The following SCAMP4 variants were observed in gnomAD, a reference collection of about 807,000 sequenced individuals.
SCAMP4 encodes the protein secretory carrier membrane protein 4.
Under a neutral mutation model 32.1 loss-of-function variants are expected in SCAMP4, and 19 were observed. That is an observed-to-expected ratio of 0.59 (90% CI 0.41 to 0.87). SCAMP4 has a LOEUF of 0.87. Ranked by LOEUF, SCAMP4 falls within the 40% of genes least tolerant of loss-of-function variation. The pLI, the probability that SCAMP4 is intolerant of heterozygous loss-of-function variation, is 0.00. For synonymous variants in SCAMP4, 152 were observed against 132.7 expected (o/e 1.15, Z -1.00); for missense variants, 302 against 309.0 (o/e 0.98, Z 0.17).
chr19:1,920,035 A>G (rs1599254349), intron 5 of SCAMP4: 1 of 540,608 alleles, frequency 1.8e-6, no homozygotes, highest in Non-Finnish European at 2.3e-6. Flanking sequence ...CTGGTCTGAA[A>G]CTCCTAACCT....
intron 1 of SCAMP4, among the ~76,000 whole-genome samples, chr19:1,907,599 C>T (rs2013199603): frequency 6.6e-6 from 1 of 152,112 alleles, no homozygotes; most frequent in African/African-American, 2.4e-5. Flanking sequence ...CATCTGTGGG[C>T]TTAGATAAAG....
chr19:1,920,358 C>T (rs2013879841), intron 5 of SCAMP4: 1 of 940,576 alleles, frequency 1.1e-6, no homozygotes, highest in South Asian at 4.9e-5. Context: ...GTGCACAGAT[C>T]AGAATCCAGA....
intron 6 of SCAMP4, 59 bp from the exon 7 acceptor site, chr19:1,924,049 C>T (rs532677287): frequency 3.1e-5 from 46 of 1,487,278 alleles, no homozygotes; most frequent in African/African-American, 2.5e-4. Context: ...CGTGAGTCCC[C>T]GTGCCCGGCC....
rs2013518652 is a variant in SCAMP4 at position 1,912,480 on chromosome 19, CCCGCCCGGCCG to C, written c.-41-2496_-41-2486del. 1.3e-6 allele frequency: 2 copies of C among 1,499,812 alleles called. No individual in the cohort carries two copies. The highest frequency in any genetic ancestry group is 1.5e-5 in the African/African-American group (1 of 68,942). The allele number at this position is 1,499,812 out of a possible 1,614,324, so 92.9% of individuals were successfully genotyped here. A position where few individuals can be genotyped will look rare whatever the true frequency, so the allele number is the denominator to read the frequency against. On this transcript the variant is annotated intron_variant, in intron 1 of 6. Transcript: ENST00000316097. Reference sequence around the variant, plus strand: ...GGGGCAACCCTTCCTGGTGCCCGTGCCCGCCCGGCCGCCTCTGACCAGGGGCCAGTTCGAGG... The same window carrying C: ...GGGGCAACCCTTCCTGGTGCCCGTGCCCTCTGACCAGGGGCCAGTTCGAGG...
intron 1 of SCAMP4, among the ~76,000 whole-genome samples, chr19:1,911,737 C>G (rs542852179): frequency 1.2e-4 from 18 of 152,244 alleles, no homozygotes; most frequent in African/African-American, 4.3e-4. Flanking sequence ...GAGCTGAGAT[C>G]ATGCCACTGT....
At chr19:1,913,148 GT>G (rs1568766929) in intron 1 of SCAMP4, 2 of 1,543,902 alleles carry the variant, frequency 1.3e-6, no homozygotes, top group Admixed American at 3.9e-5. Context: ...ACCCCGACAC[GT>G]AGGCGCCGCC....
chr19:1,919,200 G>A, intron 5 of SCAMP4: 4 of 1,415,140 alleles, frequency 2.8e-6, no homozygotes, highest in South Asian at 1.5e-5. Flanking sequence ...GCGATTGTAG[G>A]CACTCTCCTA....
At chr19:1,913,983 G>A (rs2013637403) in intron 1 of SCAMP4, among the ~76,000 whole-genome samples, 1 of 152,174 alleles carries the variant, frequency 6.6e-6, no homozygotes, top group African/African-American at 2.4e-5. Context: ...CTGGCCAGGA[G>A]CCCGCCAGGC....
chr19:1,923,924 C>CGCCATGCTCA (rs1568777276), intron 6 of SCAMP4, among the ~76,000 whole-genome samples, 184 bp from the exon 7 acceptor site: 11 of 95,880 alleles, frequency 1.1e-4, no homozygotes, highest in South Asian at 3.8e-4. Context: ...CGTGCCCGGC[C>CGCCATGCTCA]TATTTTTTAT....
At position 1,924,424 on chromosome 19, in the gene SCAMP4, C is replaced by T. The variant is rs1291625606; in HGVS notation, c.*140C>T. The T allele has an allele frequency of 1.5e-6, 1 of 686,776 alleles. No homozygotes were observed. Among genetic ancestry groups the T allele is most frequent in the South Asian group, 1.8e-5 (1 of 56,598 alleles). 42.5% of individuals were successfully genotyped at this position (686,776 alleles called of 1,614,324 possible). On this transcript the variant is annotated 3_prime_UTR_variant, in exon 7 of 7. Coordinates refer to ENST00000316097, the MANE Select transcript of SCAMP4 (RefSeq NM_079834.4). ...GAAGCCGGTGGTGGCCACGGACCGC[C>T]CCCCTCCTGCCAGGGCCACAGAACC...
At chr19:1,919,340 C>A (rs927226665) in intron 5 of SCAMP4, 1 of 1,157,866 alleles carries the variant, frequency 8.6e-7, no homozygotes, top group African/African-American at 1.6e-5. Context: ...GATGTTTCTG[C>A]ACGGATCGCT....
intron 1 of SCAMP4, among the ~76,000 whole-genome samples, chr19:1,909,736 C>T (rs751597370): frequency 2.0e-5 from 3 of 152,282 alleles, no homozygotes; most frequent in Middle Eastern, 3.4e-3. Flanking sequence ...CAGCTCTTCC[C>T]GCAGCCCCAC....
Position 1,908,583 on chromosome 19 carries a change from C to T in SCAMP4, c.-42+3144C>T, listed in dbSNP as rs757738047. Reference sequence around the variant, plus strand: ...ATTTTAAGATCATCTGCGGCTTAGCCCCAGCACCATCTGAGGCAGTACTGT... The same window carrying T: ...ATTTTAAGATCATCTGCGGCTTAGCTCCAGCACCATCTGAGGCAGTACTGT... On this transcript the variant is annotated intron_variant, in intron 1 of 6. Transcript: ENST00000316097. This position sits in a 1 kb window ranked among gnomAD's most constrained non-coding sequence, Gnocchi z 4.2. The T allele has an allele frequency of 2.1e-6, 1 of 471,094 alleles. No homozygotes were observed. Among genetic ancestry groups the T allele is most frequent in the East Asian group, 6.9e-5 (1 of 14,400 alleles). The allele number at this position is 471,094 out of a possible 1,614,324, so 29.2% of individuals were successfully genotyped here.
intron 1 of SCAMP4, chr19:1,914,536 T>G (rs12610631): frequency 0.91 from 197,082 of 215,560 alleles, 90,213 homozygotes; most frequent in Non-Finnish European, 0.94. Context: ...TGGGTGGATG[T>G]CAGGCCAGGT....
chr19:1,919,705 C>T (rs951221892), intron 5 of SCAMP4, among the ~76,000 whole-genome samples: 2 of 150,954 alleles, frequency 1.3e-5, no homozygotes, highest in Admixed American at 6.6e-5. Context: ...CACCGTGTTG[C>T]CCAGGCTGGT....
chr19:1,920,633 T>G, intron 5 of SCAMP4: 1 of 985,512 alleles, frequency 1.0e-6, no homozygotes, highest in South Asian at 4.7e-5. Context: ...TTTGGGGTGC[T>G]TCCCCCTCCT....
chr19:1,919,150 C>T (rs2013835591), intron 5 of SCAMP4, 160 bp downstream of exon 5: 17 of 1,445,404 alleles, frequency 1.2e-5, no homozygotes, highest in African/African-American at 5.8e-5. Flanking sequence ...CCCGCGTCCT[C>T]GCCAGCGCCC....
chr19:1,908,866 G>A lies in SCAMP4; in HGVS notation c.-42+3427G>A, dbSNP rs543290534. ...CACCTGTAATCCCAGCACTTTGGGA[G>A]GCTGAGGCAGGTGGATCACCTGAGG... On this transcript the variant is annotated intron_variant, in intron 1 of 6. Coordinates refer to ENST00000316097, the MANE Select transcript of SCAMP4 (RefSeq NM_079834.4). This position sits in a 1 kb window ranked among gnomAD's most constrained non-coding sequence, Gnocchi z 4.2. Among the ~76,000 whole-genome samples the A allele has an allele frequency of 2.0e-5, 3 of 151,676 alleles. No individual in the cohort carries two copies. In the East Asian group the frequency reaches 5.9e-4, roughly 30 times the overall value.
At position 1,924,124 on chromosome 19, in the gene SCAMP4, G is replaced by C; in HGVS notation, c.530G>C (p.Arg177Pro). 2 of 1,610,294 alleles carry C rather than the reference G, an allele frequency of 1.2e-6. No individual in the cohort carries two copies. Among genetic ancestry groups the C allele is most frequent in the Non-Finnish European group, 1.7e-6 (2 of 1,178,732 alleles). The change falls in exon 7 of 7, where the codon CGA becomes CCA. Residue 177 changes from arginine to proline, a missense_variant. Transcript: ENST00000316097. The stretch of plus-strand genomic sequence containing the variant: ...TCCTTGCAGGTGCACAGGATCTACC[G>C]AGGGGCTGGCGGAAGCTTCCAGAAG... ...IAIMKVHRIY[R>P]GAGGSFQKAQ...
Sources: allele counts gnomAD v4.1 joint callset (sites outside exome capture counted in the v4.1 genomes callset), GRCh38; gene constraint gnomAD v4.1.1; non-coding constraint Gnocchi (gnomAD v3.1); transcripts MANE v1.5; gene names NCBI Gene and HGNC (gene_info 2026-07-23, HGNC 2026-07-21).